The following HCN1 variants were observed in gnomAD, a reference collection of about 807,000 sequenced individuals.
HCN1 encodes hyperpolarization activated cyclic nucleotide gated potassium channel 1.
In HCN1, 13 loss-of-function variants were observed where a neutral mutation model predicts 78.9. The observed-to-expected ratio is 0.16, with a 90% CI of 0.11 to 0.26. HCN1 has a LOEUF of 0.26. Among genes scored for constraint, HCN1 ranks in the 10% least tolerant of loss-of-function variants. HCN1 has a pLI of 1.00. For missense variants in HCN1, 810 were observed against 1,154.3 expected (o/e 0.70, Z 4.32); for synonymous variants, 552 against 455.5 (o/e 1.21, Z -2.70).
intron 1 of HCN1, among the ~76,000 whole-genome samples, chr5:45,651,603 T>G (rs1745677118): frequency 6.6e-6 from 1 of 152,028 alleles, no homozygotes; most frequent in African/African-American, 2.4e-5. Flanking sequence ...ATTTTTAAAA[T>G]CTAATAGCCT....
chr5:45,375,827 G>C (rs1237004372), intron 4 of HCN1, among the ~76,000 whole-genome samples: 2 of 111,978 alleles, frequency 1.8e-5, no homozygotes, highest in Non-Finnish European at 3.4e-5. Flanking sequence ...AATATTTTAT[G>C]ATATATCTTA....
intron 4 of HCN1, among the ~76,000 whole-genome samples, chr5:45,379,006 TA>T (rs1747748836): frequency 6.6e-6 from 1 of 152,180 alleles, no homozygotes; most frequent in Admixed American, 6.6e-5. Context: ...CACATTTTCT[TA>T]ATCCAGTCTA....
At chr5:45,407,719 C>G (rs1472917812) in intron 3 of HCN1, among the ~76,000 whole-genome samples, 11 of 151,904 alleles carry the variant, frequency 7.2e-5, no homozygotes, top group Non-Finnish European at 7.4e-5. Context: ...TGGTGTTTTA[C>G]CACTGGTCTC....
intron 1 of HCN1, among the ~76,000 whole-genome samples, chr5:45,669,764 C>T (rs1032055772): frequency 1.3e-5 from 2 of 151,668 alleles, no homozygotes; most frequent in African/African-American, 4.8e-5. Flanking sequence ...TGAGGTTGTA[C>T]TGAAGAACAA....
At chr5:45,303,469 C>G (rs1271046773) in intron 6 of HCN1, 130 bp downstream of exon 6, 7 of 873,706 alleles carry the variant, frequency 8.0e-6, no homozygotes, top group African/African-American at 1.7e-5. Flanking sequence ...GTTATAGACA[C>G]TTTTATCAGA....
intron 4 of HCN1, among the ~76,000 whole-genome samples, chr5:45,359,482 A>G (rs1170456403): frequency 6.6e-6 from 1 of 151,580 alleles, no homozygotes; most frequent in Non-Finnish European, 1.5e-5. Flanking sequence ...TAGTGCCCAC[A>G]GTAGAGTCTT....
At chr5:45,367,776 G>C (rs547951402) in intron 4 of HCN1, among the ~76,000 whole-genome samples, 13 of 151,920 alleles carry the variant, frequency 8.6e-5, no homozygotes, top group Non-Finnish European at 1.6e-4. Flanking sequence ...ATTAAAATTA[G>C]AACCATTCAT....
At chr5:45,376,461 C>A (rs1314076597) in intron 4 of HCN1, among the ~76,000 whole-genome samples, 1 of 149,602 alleles carries the variant, frequency 6.7e-6, no homozygotes, top group South Asian at 2.1e-4. Flanking sequence ...TCATCAGACA[C>A]CAGATTGGCT....
intron 6 of HCN1, among the ~76,000 whole-genome samples, chr5:45,293,317 G>A (rs1745418145): frequency 6.6e-6 from 1 of 151,698 alleles, no homozygotes; most frequent in Non-Finnish European, 1.5e-5. Context: ...TTATCTCATT[G>A]TGGTTTTGAT....
At chr5:45,402,915 TCA>T (rs1463654594) in intron 3 of HCN1, among the ~76,000 whole-genome samples, 2 of 142,408 alleles carry the variant, frequency 1.4e-5, no homozygotes. Flanking sequence ...TTCTTTTGTC[TCA>T]CTCTTTTATG....
chr5:45,362,056 A>C (rs190652493), intron 4 of HCN1, among the ~76,000 whole-genome samples: 1 of 152,214 alleles, frequency 6.6e-6, no homozygotes, highest in Non-Finnish European at 1.5e-5. Flanking sequence ...CCATTGTAAT[A>C]CAGCTAAATG....
chr5:45,459,517 C>A (rs568751262), intron 3 of HCN1, among the ~76,000 whole-genome samples: 13 of 151,608 alleles, frequency 8.6e-5, no homozygotes, highest in African/African-American at 3.1e-4. Context: ...ATACTACACA[C>A]ACACACACCA....
intron 5 of HCN1, among the ~76,000 whole-genome samples, chr5:45,348,823 C>G (rs1478879218): frequency 6.6e-6 from 1 of 152,200 alleles, no homozygotes. Flanking sequence ...GAAGAGCTAA[C>G]TATCCTAAAT....
In HCN1 at chr5:45,663,639, T is replaced by G. The variant is rs1182799134; in HGVS notation, c.426-18031A>C. On this transcript the variant is annotated intron_variant, in intron 1 of 7. Transcript: ENST00000303230. ...AAAAACAAACAACCCCATCAAAAAG[T>G]GGGTGAAGGACATGAACAGACACTT... 1.7e-4 allele frequency among the ~76,000 whole-genome samples: 26 copies of G among 150,238 alleles called. No homozygotes were observed. The Middle Eastern group carries it at 0.014, about 79-fold the overall frequency.
chr5:45,377,548 A>G (rs1747709745), intron 4 of HCN1, among the ~76,000 whole-genome samples: 1 of 151,932 alleles, frequency 6.6e-6, no homozygotes. Flanking sequence ...GCCTGCTGAA[A>G]CTAACCGAGA....
At chr5:45,686,616 C>A (rs1203507103) in intron 1 of HCN1, among the ~76,000 whole-genome samples, 2 of 152,128 alleles carry the variant, frequency 1.3e-5, no homozygotes, top group Non-Finnish European at 2.9e-5. Flanking sequence ...CTTTTTTAGA[C>A]ACCTTTAGAT....
intron 5 of HCN1, among the ~76,000 whole-genome samples, chr5:45,319,516 G>A (rs537203015): frequency 6.6e-6 from 1 of 151,706 alleles, no homozygotes; most frequent in Non-Finnish European, 1.5e-5. Context: ...AGCCTGTTTT[G>A]TGAGGTGCCC....
In HCN1 at chr5:45,259,314, C is replaced by T. The variant is rs1744684250; in HGVS notation, c.*2607G>A. 2.0e-5 allele frequency: 3 copies of T among 152,100 alleles called. No homozygotes were observed. The highest frequency in any genetic ancestry group is 4.4e-5 in the Non-Finnish European group (3 of 67,860). 9.4% of individuals were successfully genotyped at this position (152,100 alleles called of 1,614,324 possible). A position where few individuals can be genotyped will look rare whatever the true frequency, so the allele number is the denominator to read the frequency against. On this transcript the variant is annotated 3_prime_UTR_variant, in exon 8 of 8. Coordinates refer to ENST00000303230, the MANE Select transcript of HCN1 (RefSeq NM_021072.4). ...ATATTTATATATGTATGGCTTTGAG[C>T]AAAGACAAAAGAAATACTCTAACTC...
intron 4 of HCN1, among the ~76,000 whole-genome samples, chr5:45,375,803 CTTATATATAATATA>C (rs1237578698): frequency 0.019 from 2,163 of 111,916 alleles, 218 homozygotes; most frequent in African/African-American, 0.055. Context: ...TATGATATAT[CTTATATATAATATA>C]ATATTTTATG....
Sources: gnomAD v4.1 joint callset for allele counts (sites outside exome capture counted in the v4.1 genomes callset) on GRCh38, gnomAD v4.1.1 for gene constraint, MANE v1.5 for transcripts, NCBI Gene and HGNC (gene_info 2026-07-23, HGNC 2026-07-21) for gene names.